SCHIP1: variants seen among roughly 807,000 people sequenced by gnomAD.
SCHIP1 encodes schwannomin-interacting protein 1.
SCHIP1 carries 8 observed loss-of-function variants against 29.7 expected under a neutral mutation model. The observed-to-expected ratio is 0.27, with a 90% confidence interval of 0.16 to 0.49. The LOEUF is 0.49. Among genes scored for constraint, SCHIP1 ranks in the 20% least tolerant of loss-of-function variants. The pLI is 0.99. For missense variants in SCHIP1, 193 were observed against 294.6 expected (o/e 0.66, Z 2.52); for synonymous variants, 76 against 94.9 (o/e 0.80, Z 1.16).
the SCHIP1 span, among the ~76,000 whole-genome samples, chr3:159,292,715 T>C: frequency 1.3e-5 from 2 of 152,342 alleles, no homozygotes; most frequent in Admixed American, 1.3e-4. Flanking sequence ...AAAATGATTT[T>C]TAATATGTAA....
chr3:159,844,315 C>T (rs924232606), intron 1 of SCHIP1, among the ~76,000 whole-genome samples: 1 of 152,222 alleles, frequency 6.6e-6, no homozygotes, highest in Non-Finnish European at 1.5e-5. Flanking sequence ...CCTGTTTGAG[C>T]AAGGGCTTGT....
the SCHIP1 span, among the ~76,000 whole-genome samples, chr3:159,810,193 G>C: frequency 1.3e-5 from 2 of 152,066 alleles, no homozygotes; most frequent in South Asian, 4.2e-4. Flanking sequence ...TTACAGGCAG[G>C]TGCCACCACG....
the SCHIP1 span, among the ~76,000 whole-genome samples, chr3:159,419,924 C>G: frequency 6.6e-6 from 1 of 152,210 alleles, no homozygotes; most frequent in Non-Finnish European, 1.5e-5. Context: ...CAACTGGAAA[C>G]TTTCTGTGTC....
the SCHIP1 span, among the ~76,000 whole-genome samples, chr3:159,427,697 T>C: frequency 0.53 from 75,145 of 142,544 alleles, 19,047 homozygotes; most frequent in East Asian, 0.72. Context: ...AAAACTACTT[T>C]AAAGTTCATA....
At chr3:159,371,501 G>C in the SCHIP1 span, among the ~76,000 whole-genome samples, 1 of 152,070 alleles carries the variant, frequency 6.6e-6, no homozygotes, top group African/African-American at 2.4e-5. Context: ...ATAAAGGGAG[G>C]GAGGGGTCAT....
the SCHIP1 span, among the ~76,000 whole-genome samples, chr3:159,301,881 G>GA: frequency 6.6e-6 from 1 of 152,140 alleles, no homozygotes; most frequent in Non-Finnish European, 1.5e-5. Context: ...AACCCTTAGG[G>GA]AAAAAACTTC....
chr3:159,575,078 C>A, the SCHIP1 span, among the ~76,000 whole-genome samples: 1 of 152,234 alleles, frequency 6.6e-6, no homozygotes, highest in Non-Finnish European at 1.5e-5. Context: ...TGATGCCCCG[C>A]CCTGCTTTGG....
At chr3:159,784,351 T>C in the SCHIP1 span, among the ~76,000 whole-genome samples, 2 of 152,252 alleles carry the variant, frequency 1.3e-5, no homozygotes, top group Non-Finnish European at 2.9e-5. Context: ...TCAGTACTTA[T>C]TACTCTGTTT....
the SCHIP1 span, among the ~76,000 whole-genome samples, chr3:159,584,263 T>G: frequency 1.3e-5 from 2 of 152,204 alleles, 1 homozygote; most frequent in South Asian, 4.1e-4. Flanking sequence ...GAGGATACAC[T>G]GCGGAACTCC....
At chr3:159,636,405 C>T in the SCHIP1 span, among the ~76,000 whole-genome samples, 2 of 152,180 alleles carry the variant, frequency 1.3e-5, no homozygotes, top group Admixed American at 6.5e-5. Flanking sequence ...ATAAGCACCA[C>T]ACTGGTAACT....
chr3:159,718,699 A>G, the SCHIP1 span, among the ~76,000 whole-genome samples: 1 of 152,218 alleles, frequency 6.6e-6, no homozygotes, highest in Non-Finnish European at 1.5e-5. Context: ...CTCTTCAAGG[A>G]GAATTACAAA....
the SCHIP1 span, among the ~76,000 whole-genome samples, chr3:159,646,257 G>A: frequency 5.3e-5 from 8 of 152,284 alleles, no homozygotes; most frequent in East Asian, 3.9e-4. Context: ...CACAAGGTAC[G>A]ATTAGCTATT....
chr3:159,725,324 C>T, the SCHIP1 span, among the ~76,000 whole-genome samples: 1 of 148,438 alleles, frequency 6.7e-6, no homozygotes, highest in Non-Finnish European at 1.5e-5. Context: ...GGTTGGAGTG[C>T]AGTGGTGTGA....
the SCHIP1 span, among the ~76,000 whole-genome samples, chr3:159,386,022 A>AACTC: frequency 1.3e-5 from 2 of 152,308 alleles, no homozygotes; most frequent in African/African-American, 4.8e-5. Context: ...AAAGTACATG[A>AACTC]ACTCATCCTT....
At chr3:159,609,789 T>C in the SCHIP1 span, among the ~76,000 whole-genome samples, 1 of 152,198 alleles carries the variant, frequency 6.6e-6, no homozygotes, top group East Asian at 1.9e-4. Context: ...AGCAACTGTA[T>C]TTTAGGTATT....
chr3:159,857,774 C>T (rs1713560477), intron 1 of SCHIP1, among the ~76,000 whole-genome samples: 1 of 152,190 alleles, frequency 6.6e-6, no homozygotes, highest in Non-Finnish European at 1.5e-5. Context: ...CTGTGCCAGG[C>T]ACTGCGCCAA....
At chr3:159,562,021 A>G in the SCHIP1 span, among the ~76,000 whole-genome samples, 1 of 152,228 alleles carries the variant, frequency 6.6e-6, no homozygotes, top group Non-Finnish European at 1.5e-5. Flanking sequence ...AACTAAGCAT[A>G]CAAGGATATA....
the SCHIP1 span, among the ~76,000 whole-genome samples, chr3:159,828,388 C>CATATATACGTATATATATACGT: frequency 4.7e-4 from 31 of 65,340 alleles, no homozygotes; most frequent in Non-Finnish European, 9.2e-4. Context: ...TATATATATA[C>CATATATACGTATATATATACGT]ATATATACGT....
intron 1 of SCHIP1, among the ~76,000 whole-genome samples, chr3:159,865,950 T>C (rs1007919608): frequency 1.3e-5 from 2 of 152,230 alleles, no homozygotes; most frequent in Non-Finnish European, 2.9e-5. Flanking sequence ...TTACTTAGAC[T>C]AGAGATTAGA....
Sources: allele counts gnomAD v4.1 joint callset (sites outside exome capture counted in the v4.1 genomes callset), GRCh38; gene constraint gnomAD v4.1.1; transcripts MANE v1.5; gene names NCBI Gene and HGNC (gene_info 2026-07-23, HGNC 2026-07-21).